TMEM266: variants seen among roughly 807,000 people sequenced by gnomAD.
TMEM266 encodes the protein transmembrane protein 266, also known as Hv1 related protein 1.
Under a neutral mutation model 50.5 loss-of-function variants are expected in TMEM266, and 33 were observed. The observed-to-expected ratio is 0.65, with a 90% CI of 0.50 to 0.87. TMEM266 has a LOEUF of 0.87. TMEM266 is among the 40% of genes least tolerant of loss of function. TMEM266 has a pLI of 0.00. For missense variants in TMEM266, 655 were observed against 695.1 expected, an observed-to-expected ratio of 0.94 and a Z score of 0.65; for synonymous variants, 310 against 292.3, an observed-to-expected ratio of 1.06 and a Z score of -0.62.
intron 1 of TMEM266, among the ~76,000 whole-genome samples, chr15:76,099,991 T>C (rs2959838): frequency 0.28 from 42,946 of 151,970 alleles, 6,406 homozygotes; most frequent in African/African-American, 0.35. Flanking sequence ...TGAGAATTCA[T>C]TCACTATCAT....
intron 1 of TMEM266, among the ~76,000 whole-genome samples, chr15:76,122,208 G>T (rs2037357267): frequency 6.6e-6 from 1 of 152,232 alleles, no homozygotes; most frequent in Admixed American, 6.5e-5. Flanking sequence ...CTGTCATGAT[G>T]ATGGGAAAGG....
chr15:76,105,532 C>T (rs1023032048), intron 1 of TMEM266, among the ~76,000 whole-genome samples: 2 of 152,242 alleles, frequency 1.3e-5, no homozygotes, highest in Non-Finnish European at 2.9e-5. Flanking sequence ...TTCTGGGACA[C>T]ATGGTCTCTG....
chr15:76,185,546 C>A (rs2405332), intron 8 of TMEM266, among the ~76,000 whole-genome samples: 149,057 of 152,296 alleles, frequency 0.98, 73,025 homozygotes, highest in South Asian at 1. Context: ...TATTTTTGTT[C>A]ACATATTAAT....
intron 3 of TMEM266, among the ~76,000 whole-genome samples, chr15:76,149,539 T>A (rs1367832086): frequency 2.0e-5 from 3 of 152,378 alleles, no homozygotes; most frequent in South Asian, 4.1e-4. Flanking sequence ...AAACACTGTG[T>A]TATGGGCTTG....
intron 1 of TMEM266, among the ~76,000 whole-genome samples, chr15:76,100,243 G>C (rs1426645339): frequency 1.3e-5 from 2 of 152,204 alleles, no homozygotes; most frequent in Admixed American, 1.3e-4. Context: ...AGAGATGGGA[G>C]ACTGGGAGGA....
At chr15:76,135,267 T>A (rs1168530248) in intron 2 of TMEM266, among the ~76,000 whole-genome samples, 1 of 152,226 alleles carries the variant, frequency 6.6e-6, no homozygotes, top group Non-Finnish European at 1.5e-5. Context: ...GTTCTTTGTA[T>A]CTAAGGAAAG....
At chr15:76,082,509 T>C (rs905790177) in intron 1 of TMEM266, among the ~76,000 whole-genome samples, 14 of 152,190 alleles carry the variant, frequency 9.2e-5, no homozygotes, top group Non-Finnish European at 1.5e-5. Context: ...CCGTATGTTA[T>C]TGGAGCACAG....
intron 7 of TMEM266, among the ~76,000 whole-genome samples, chr15:76,172,646 G>A (rs1277004832): frequency 1.3e-5 from 2 of 152,162 alleles, no homozygotes; most frequent in Non-Finnish European, 2.9e-5. Flanking sequence ...AGAAGCCTTC[G>A]GAAGGCTGGG....
intron 1 of TMEM266, among the ~76,000 whole-genome samples, chr15:76,090,491 CAAAAAAAAAAA>C (rs34778511): frequency 1.3e-5 from 1 of 74,364 alleles, no homozygotes; most frequent in African/African-American, 4.6e-5. Context: ...GACTCTGTCT[CAAAAAAAAAAA>C]AAAAAAAAGA....
At chr15:76,119,865 A>C (rs1440095984) in intron 1 of TMEM266, among the ~76,000 whole-genome samples, 1 of 152,186 alleles carries the variant, frequency 6.6e-6, no homozygotes, top group Non-Finnish European at 1.5e-5. Context: ...GATATCTGTT[A>C]CTATTTTTGC....
At chr15:76,138,831 C>CT (rs1267532271) in intron 3 of TMEM266, among the ~76,000 whole-genome samples, 1 of 152,176 alleles carries the variant, frequency 6.6e-6, no homozygotes, top group African/African-American at 2.4e-5. Context: ...CGTGGTCTGT[C>CT]TTACAAACAT....
At chr15:76,177,071 G>A (rs1378389853) in intron 8 of TMEM266, among the ~76,000 whole-genome samples, 1 of 152,040 alleles carries the variant, frequency 6.6e-6, no homozygotes, top group Non-Finnish European at 1.5e-5. Flanking sequence ...TCTCTACAGA[G>A]CATGTTCCCC....
rs187996941 is a variant in TMEM266, at chr15:76,194,956, C to A, written c.958+2799C>A. ...GGGGGCAGGCACATAAGACCCCTGACGATCTTGCCCCGGGCTGCTTCCCCA... is the reference window on the plus strand; with the variant it reads ...GGGGGCAGGCACATAAGACCCCTGAAGATCTTGCCCCGGGCTGCTTCCCCA... On this transcript the variant is annotated intron_variant, in intron 9 of 10. Coordinates refer to ENST00000388942, the MANE Select transcript of TMEM266 (RefSeq NM_152335.3). Among the ~76,000 whole-genome samples, 317 of 152,296 alleles carry A rather than the reference C, an allele frequency of 2.1e-3. 2 individuals are homozygous for A. Among genetic ancestry groups the A allele is most frequent in the African/African-American group, 7.1e-3 (294 of 41,558 alleles).
chr15:76,152,893 G>A (rs899840180), intron 3 of TMEM266, among the ~76,000 whole-genome samples: 13 of 152,092 alleles, frequency 8.5e-5, no homozygotes, highest in African/African-American at 3.1e-4. Flanking sequence ...TCTTGATCAC[G>A]CTGCCTACCT....
chr15:76,075,483 G>A (rs1244996927), intron 1 of TMEM266, among the ~76,000 whole-genome samples: 1 of 152,108 alleles, frequency 6.6e-6, no homozygotes. Context: ...CCAATATGAA[G>A]GTCATGGCTT....
intron 1 of TMEM266, among the ~76,000 whole-genome samples, chr15:76,081,465 C>T (rs2036693206): frequency 6.6e-6 from 1 of 152,170 alleles, no homozygotes. Flanking sequence ...TTCCACTGTG[C>T]CTGGGCTCAC....
chr15:76,179,493 C>T (rs1567178356), intron 8 of TMEM266, among the ~76,000 whole-genome samples: 1 of 152,172 alleles, frequency 6.6e-6, no homozygotes, highest in African/African-American at 2.4e-5. Context: ...GAACACTGTT[C>T]TTTTCCAGCC....
intron 3 of TMEM266, 144 bp from the exon 4 acceptor site, chr15:76,156,460 T>A (rs1457048884): frequency 7.9e-6 from 6 of 762,632 alleles, no homozygotes; most frequent in Non-Finnish European, 1.3e-5. Context: ...TGAATGAGGT[T>A]GTGTTTCGCC....
At chr15:76,069,762 G>C (rs1162296903) in intron 1 of TMEM266, among the ~76,000 whole-genome samples, 1 of 151,888 alleles carries the variant, frequency 6.6e-6, no homozygotes. Flanking sequence ...ACTTTGCAGT[G>C]AGCCAAGATC....
Sources: gnomAD v4.1 joint callset for allele counts (sites outside exome capture counted in the v4.1 genomes callset) on GRCh38, gnomAD v4.1.1 for gene constraint, MANE v1.5 for transcripts, NCBI Gene and HGNC (gene_info 2026-07-23, HGNC 2026-07-21) for gene names.